CACNA1B: variants seen among roughly 807,000 people sequenced by gnomAD.
The protein encoded by CACNA1B is voltage-dependent N-type calcium channel subunit alpha-1B.
A neutral mutation model predicts 247.2 loss-of-function variants in CACNA1B; 70 were observed. The observed-to-expected ratio is 0.28, with a 90% CI of 0.23 to 0.35. The LOEUF (loss-of-function observed/expected upper bound fraction) is 0.35. CACNA1B is among the 10% of genes least tolerant of loss of function. The pLI, the probability that CACNA1B is intolerant of heterozygous loss-of-function variation, is 1.00. For synonymous variants in CACNA1B, 1,231 were observed against 1,294.4 expected (o/e 0.95, Z 1.05); for missense variants, 2,367 against 3,197.4 (o/e 0.74, Z 6.26).
chr9:138,075,954 G>A lies in CACNA1B; in HGVS notation c.4949+44G>A, dbSNP rs77240008. 379 of 1,291,214 alleles carry A rather than the reference G, an allele frequency of 2.9e-4. 4 individuals carry two copies. The East Asian group carries it at 6.5e-3, about 22-fold the overall frequency. 80.0% of individuals were successfully genotyped at this position (1,291,214 alleles called of 1,614,324 possible). On this transcript the variant is annotated intron_variant, in intron 35 of 46. Transcript: ENST00000371372. ...CCAGGCCAATGTCTGCTCTTCCGTCGGGGGCTGCTTTACTCAGGATGAAGA... is the reference window on the plus strand; with the variant it reads ...CCAGGCCAATGTCTGCTCTTCCGTCAGGGGCTGCTTTACTCAGGATGAAGA...
rs149133959 is a variant in CACNA1B, at chr9:138,113,009, C to T, written c.5536+504C>T. On this transcript the variant is annotated intron_variant, in intron 40 of 46. Transcript: ENST00000371372. Reference sequence around the variant, plus strand: ...GCATCTCGTGGGAGACGTGAGGGAGCGCAGAGAGGTGCCCAACTCCTTCTT... The same window carrying T: ...GCATCTCGTGGGAGACGTGAGGGAGTGCAGAGAGGTGCCCAACTCCTTCTT... Among the ~76,000 whole-genome samples, 922 of 140,270 alleles carry T rather than the reference C, an allele frequency of 6.6e-3. 6 individuals carry two copies. Among genetic ancestry groups the T allele is most frequent in the Middle Eastern group, 0.01 (2 of 192 alleles). The allele number at this position is 140,270 out of a possible 152,430, so 92.0% of individuals were successfully genotyped here. A position where few individuals can be genotyped will look rare whatever the true frequency, so the allele number is the denominator to read the frequency against.
chr9:138,090,912 A>C (rs756985396), intron 36 of CACNA1B, among the ~76,000 whole-genome samples: 42 of 152,020 alleles, frequency 2.8e-4, no homozygotes, highest in African/African-American at 5.3e-4. Flanking sequence ...AAAACACACA[A>C]AAAAAATAAC....
chr9:137,961,102 A>G (rs1376930618), intron 10 of CACNA1B, among the ~76,000 whole-genome samples: 1 of 152,100 alleles, frequency 6.6e-6, no homozygotes, highest in Non-Finnish European at 1.5e-5. Context: ...CTATTTAATA[A>G]TAGGGAATAC....
intron 37 of CACNA1B, among the ~76,000 whole-genome samples, chr9:138,099,635 TGTGCCTGTGGTGTGC>T (rs1961186397): frequency 6.7e-6 from 1 of 148,770 alleles, no homozygotes. Context: ...GTGGTGTGCA[TGTGCCTGTGGTGTGC>T]ATGTGCCTGT....
chr9:137,993,496 A>G (rs1463232346), intron 15 of CACNA1B, among the ~76,000 whole-genome samples: 1 of 152,180 alleles, frequency 6.6e-6, no homozygotes, highest in African/African-American at 2.4e-5. Context: ...GCTCAATTAG[A>G]AATGAAATGG....
In CACNA1B at chr9:138,118,786, G is replaced by C. The variant is rs1439507359; in HGVS notation, c.6030+18G>C. The stretch of plus-strand genomic sequence containing the variant: ...AGACTCAGGTAGGTGGTCTGGGAGG[G>C]TCCAGGCCCTGGGCTGGGCAAGTGG... On this transcript the variant is annotated intron_variant, in intron 44 of 46. Transcript: ENST00000371372. 11 of 1,229,830 alleles carry C rather than the reference G, an allele frequency of 8.9e-6. No homozygotes were observed. The highest frequency in any genetic ancestry group is 1.5e-5 in the African/African-American group (1 of 66,302). 76.2% of individuals were successfully genotyped at this position (1,229,830 alleles called of 1,614,324 possible). A position where few individuals can be genotyped will look rare whatever the true frequency, so the allele number is the denominator to read the frequency against.
At chr9:138,120,417 C>A in intron 45 of CACNA1B, 45 bp downstream of exon 45, 1 of 1,505,924 alleles carries the variant, frequency 6.6e-7, no homozygotes, top group South Asian at 1.2e-5. Flanking sequence ...AGCTATGGCC[C>A]GAGTCAGGGG....
At position 138,037,108 on chromosome 9, in the gene CACNA1B, A is replaced by G. The variant is rs117808768; in HGVS notation, c.3287-6666A>G. ...GCCATTTATTTGTTGGGGAGAACATATGGTTTGTCCCGTAGAATTTCTCAG... is the reference window on the plus strand; with the variant it reads ...GCCATTTATTTGTTGGGGAGAACATGTGGTTTGTCCCGTAGAATTTCTCAG... On this transcript the variant is annotated intron_variant, in intron 20 of 46. Coordinates refer to ENST00000371372, the MANE Select transcript of CACNA1B (RefSeq NM_000718.4). Among the ~76,000 whole-genome samples the G allele has an allele frequency of 3.2e-3, 494 of 152,288 alleles. 1 individual carries two copies. Among genetic ancestry groups the G allele is most frequent in the Non-Finnish European group, 5.4e-3 (369 of 68,024 alleles).
At chr9:138,044,410 C>G (rs1419797496) in intron 21 of CACNA1B, among the ~76,000 whole-genome samples, 2 of 152,244 alleles carry the variant, frequency 1.3e-5, no homozygotes, top group Non-Finnish European at 2.9e-5. Flanking sequence ...ATGAACAAAA[C>G]AGGTGAGAAC....
chr9:138,113,078 T>TGTG (rs201819087), intron 40 of CACNA1B, among the ~76,000 whole-genome samples: 2,071 of 108,918 alleles, frequency 0.019, 119 homozygotes, highest in African/African-American at 0.056. Context: ...AACTCCATCT[T>TGTG]GGAGACGTGA....
rs1959191124 is a variant in CACNA1B, at chr9:138,047,004, C to G, written c.3514C>G (p.Pro1172Ala). 1 of 1,612,950 alleles carries G rather than the reference C, an allele frequency of 6.2e-7. No homozygotes were observed. The highest frequency in any genetic ancestry group is 8.5e-7 in the Non-Finnish European group (1 of 1,179,354). The change falls in exon 22 of 47, where the codon CCA becomes GCA. Residue 1172 changes from proline (P) to alanine (A), a missense_variant. Physicochemically the swap from Pro to Ala is conservative, Grantham distance 27 (BLOSUM62 -1). Coordinates refer to ENST00000371372, the MANE Select transcript of CACNA1B (RefSeq NM_000718.4). ...CAGCATCGCCCTGGCTGCTGAGGAC[C>G]CAGTGCGCACAGACTCGCCCAGGAA... The part of the protein sequence containing the change: ...LSSIALAAED[P>A]VRTDSPRNNA...
At position 138,112,137 on chromosome 9, in the gene CACNA1B, G is replaced by GCGCATGCACACACA. The variant is rs1564291944; in HGVS notation, c.5429-261_5429-260insCGCATGCACACACA. Among the ~76,000 whole-genome samples, 152 of 107,716 alleles carry GCGCATGCACACACA rather than the reference G, an allele frequency of 1.4e-3. 2 individuals carry two copies. The highest frequency in any genetic ancestry group is 4.1e-3 in the African/African-American group (135 of 32,824). 70.7% of individuals were successfully genotyped at this position (107,716 alleles called of 152,430 possible). A position where few individuals can be genotyped will look rare whatever the true frequency, so the allele number is the denominator to read the frequency against. On this transcript the variant is annotated intron_variant, in intron 39 of 46. Transcript: ENST00000371372. ...GTGCAGTGCACATGCATGCACACACGTCGGACACACACGTGTGCACATGAG... is the reference window on the plus strand; with the variant it reads ...GTGCAGTGCACATGCATGCACACACGCGCATGCACACACATCGGACACACACGTGTGCACATGAG...
At chr9:138,030,506 C>T (rs1351398220) in intron 20 of CACNA1B, among the ~76,000 whole-genome samples, 3 of 151,876 alleles carry the variant, frequency 2.0e-5, no homozygotes, top group Non-Finnish European at 4.4e-5. Flanking sequence ...AGGAGTTTTG[C>T]GTCTGTATTC....
chr9:137,932,423 C>T (rs1047715789), intron 6 of CACNA1B, among the ~76,000 whole-genome samples: 2 of 152,168 alleles, frequency 1.3e-5, no homozygotes, highest in Non-Finnish European at 2.9e-5. Flanking sequence ...GGAACTGGTC[C>T]CGCACGGGAA....
In CACNA1B at chr9:137,954,905, G is replaced by T. The variant is rs895987044; in HGVS notation, c.1071-793G>T. On this transcript the variant is annotated intron_variant, in intron 7 of 46. Coordinates refer to ENST00000371372, the MANE Select transcript of CACNA1B (RefSeq NM_000718.4). The surrounding 1 kb of genome is among the most constrained non-coding windows in gnomAD (Gnocchi z 4.1). ...GAGAGAGAGAGAGAGAGAGAGAGGG[G>T]GAGAGAGAGAGAGAGAGAATGGCTT... Among the ~76,000 whole-genome samples the T allele has an allele frequency of 8.7e-6, 1 of 114,636 alleles. No homozygotes were observed. The highest frequency in any genetic ancestry group is 3.9e-4 in the East Asian group (1 of 2,572). 75.2% of individuals were successfully genotyped at this position (114,636 alleles called of 152,430 possible).
At position 138,059,417 on chromosome 9, in the gene CACNA1B, T is replaced by G. The variant is rs143832959; in HGVS notation, c.4584+228T>G. Among the ~76,000 whole-genome samples the G allele has an allele frequency of 5.1e-3, 770 of 152,264 alleles. 7 individuals carry two copies. The highest frequency in any genetic ancestry group is 0.017 in the African/African-American group (687 of 41,550). On this transcript the variant is annotated intron_variant, in intron 30 of 46. Coordinates refer to ENST00000371372, the MANE Select transcript of CACNA1B (RefSeq NM_000718.4). This position sits in a 1 kb window ranked among gnomAD's most constrained non-coding sequence, Gnocchi z 4.2. ...GGGAGGCAGGGCTGGGTTCTTCCTC[T>G]TTGGACACATGGCTCTTAGTCCTGC... is the stretch of plus-strand genomic sequence containing the variant.
At position 137,882,658 on chromosome 9, in the gene CACNA1B, G is replaced by A; in HGVS notation, c.391-86G>A. On this transcript the variant is annotated intron_variant, in intron 2 of 46. Coordinates refer to ENST00000371372, the MANE Select transcript of CACNA1B (RefSeq NM_000718.4). The surrounding 1 kb of genome is among the most constrained non-coding windows in gnomAD (Gnocchi z 4.0). ...TCACGATAGCTGTGGCCTGCACATG[G>A]TGGGGTGGGGTCCTCACCAACCGTC... 2.0e-6 allele frequency: 3 copies of A among 1,495,104 alleles called. No homozygotes were observed. Among genetic ancestry groups the A allele is most frequent in the Non-Finnish European group, 1.9e-6 (2 of 1,080,924 alleles). The allele number at this position is 1,495,104 out of a possible 1,614,324, so 92.6% of individuals were successfully genotyped here. A position where few individuals can be genotyped will look rare whatever the true frequency, so the allele number is the denominator to read the frequency against.
chr9:138,090,701 C>CCAAAAAAAAAA (rs1960846497), intron 36 of CACNA1B, among the ~76,000 whole-genome samples: 1 of 16,584 alleles, frequency 6.0e-5, no homozygotes, highest in Non-Finnish European at 8.9e-5. Context: ...AACCCATCAG[C>CCAAAAAAAAAA]AAAAAAAAAA....
At chr9:138,038,062 C>T (rs1473502864) in intron 20 of CACNA1B, among the ~76,000 whole-genome samples, 4 of 152,282 alleles carry the variant, frequency 2.6e-5, no homozygotes, top group African/African-American at 9.6e-5. Flanking sequence ...CATTCTGTCC[C>T]TTTATTTATA....
Sources: allele counts gnomAD v4.1 joint callset (sites outside exome capture counted in the v4.1 genomes callset), GRCh38; gene constraint gnomAD v4.1.1; non-coding constraint Gnocchi (gnomAD v3.1); transcripts MANE v1.5; gene names NCBI Gene and HGNC (gene_info 2026-07-23, HGNC 2026-07-21).